Variants in COG2 observed in about 807,000 individuals in gnomAD.
The protein encoded by COG2 is conserved oligomeric Golgi complex subunit 2.
Under a neutral mutation model 90.6 loss-of-function variants are expected in COG2, and 52 were observed. That is an observed-to-expected ratio of 0.57 (90% confidence interval 0.46 to 0.72). The LOEUF (loss-of-function observed/expected upper bound fraction) is 0.72, where lower values mean the gene tolerates loss of function less well. Ranked by LOEUF, COG2 falls within the 30% of genes least tolerant of loss-of-function variation. COG2 has a pLI of 0.00. For missense variants in COG2, 829 were observed against 891.2 expected (o/e 0.93, Z 0.89); for synonymous variants, 337 against 320.4 (o/e 1.05, Z -0.55).
chr1:230,642,839 G>C (rs1265032264), intron 1 of COG2, 161 bp downstream of exon 1: 4 of 650,956 alleles, frequency 6.1e-6, no homozygotes, highest in Non-Finnish European at 1.0e-5. Flanking sequence ...TTTGGCGTCA[G>C]GTTTGGCGGG....
Position 230,688,501 on chromosome 1 carries a change from CTT to C in COG2, c.1734_1735del (p.Cys579LeufsTer19). On this transcript the variant is annotated frameshift_variant, in exon 15 of 18. Coordinates refer to ENST00000366669, the MANE Select transcript of COG2 (RefSeq NM_007357.3). LOFTEE classifies it high-confidence loss of function. ...AAGATCATCCAGGATTTAAGTGACT[CTT>C]GCTTCGGTTTCCTAAAAAGCGCCCT... is the stretch of plus-strand genomic sequence containing the variant. 6.2e-7 allele frequency: 1 copy of C among 1,614,122 alleles called. No homozygotes were observed. Among genetic ancestry groups the C allele is most frequent in the Non-Finnish European group, 8.5e-7 (1 of 1,180,024 alleles).
rs569336484 is a variant in COG2, at chr1:230,660,659, A to G, written c.235-99A>G. ...TGGTTGTTCATTTTGTTGTACAGAA[A>G]GAATAACCTAAGTCTAGCACTACAT... On this transcript the variant is annotated intron_variant, in intron 2 of 17. Transcript: ENST00000366669. 12 of 645,854 alleles carry G rather than the reference A, an allele frequency of 1.9e-5. No homozygotes were observed. The South Asian group carries it at 4.3e-4, about 23-fold the overall frequency. The allele number at this position is 645,854 out of a possible 1,614,324, so 40.0% of individuals were successfully genotyped here.
At chr1:230,685,334 G>T (rs758523473) in intron 12 of COG2, 98 bp downstream of exon 12, 42 of 1,297,396 alleles carry the variant, frequency 3.2e-5, no homozygotes, top group Admixed American at 1.0e-4. Flanking sequence ...ACCATGAGAG[G>T]TTAATTCAGA....
intron 1 of COG2, among the ~76,000 whole-genome samples, chr1:230,646,353 C>G (rs912596534): frequency 1.3e-5 from 2 of 152,174 alleles, no homozygotes; most frequent in Non-Finnish European, 2.9e-5. Context: ...CTCAGTAGAT[C>G]AAATGCTCCC....
At chr1:230,674,950 G>A (rs770021347) in intron 8 of COG2, 48 bp from the exon 9 acceptor site, 1 of 1,469,972 alleles carries the variant, frequency 6.8e-7, no homozygotes, top group East Asian at 2.5e-5. Context: ...TTTGCTCTTT[G>A]TAAGTAGATT....
At chr1:230,664,417 G>C (rs1407261130) in intron 4 of COG2, 67 bp from the exon 5 acceptor site, 1 of 651,180 alleles carries the variant, frequency 1.5e-6, no homozygotes, top group African/African-American at 1.9e-5. Context: ...CCTGTACTTA[G>C]GATGATGAAA....
Position 230,688,058 on chromosome 1 carries a change from A to C in COG2, c.1579-13A>C, listed in dbSNP as rs751565990. The C allele has an allele frequency of 1.9e-5, 29 of 1,561,026 alleles. No homozygotes were observed. In the African/African-American group the frequency reaches 3.4e-4, roughly 18 times the overall value. ...AAAAGTAACTGAATATATAAAGTGC[A>C]TATTTATTTCAGCTTCCAGAACTCT... is the stretch of plus-strand genomic sequence containing the variant. On this transcript the variant is annotated splice_polypyrimidine_tract_variant and intron_variant, in intron 13 of 17. Coordinates refer to ENST00000366669, the MANE Select transcript of COG2 (RefSeq NM_007357.3).
chr1:230,680,639 G>A (rs779884346), intron 10 of COG2: 1 of 152,132 alleles, frequency 6.6e-6, no homozygotes, highest in Non-Finnish European at 1.5e-5. Flanking sequence ...AGCCTTCAAA[G>A]GAGCTGATTA....
At chr1:230,682,866 A>G (rs1053855242) in intron 10 of COG2, 6 of 152,226 alleles carry the variant, frequency 3.9e-5, no homozygotes, top group Admixed American at 1.3e-4. Context: ...TAAAAAAACT[A>G]TATAACACAT....
intron 10 of COG2, chr1:230,683,329 G>C (rs947185659): frequency 4.9e-6 from 2 of 405,890 alleles, no homozygotes; most frequent in African/African-American, 4.1e-5. Flanking sequence ...AGAAACATGG[G>C]GTAAGTTATG....
chr1:230,692,641 G>A (rs1410143), intron 17 of COG2, among the ~76,000 whole-genome samples: 141,536 of 152,096 alleles, frequency 0.93, 66,064 homozygotes, highest in East Asian at 0.99. Context: ...GAGAGGGGAA[G>A]GAAAAGGTGC....
At chr1:230,681,931 C>G (rs1289011354) in intron 10 of COG2, 1 of 152,184 alleles carries the variant, frequency 6.6e-6, no homozygotes, top group Non-Finnish European at 1.5e-5. Flanking sequence ...GTGCAGGGAT[C>G]AAGGCTCTGC....
intron 10 of COG2, chr1:230,680,865 T>A (rs1662727881): frequency 6.6e-6 from 1 of 152,178 alleles, no homozygotes; most frequent in Non-Finnish European, 1.5e-5. Context: ...ATGATTAGGG[T>A]CAGAGTTGCA....
chr1:230,660,874 T>TTA, intron 3 of COG2, 51 bp downstream of exon 3: 4 of 1,268,836 alleles, frequency 3.2e-6, no homozygotes, highest in South Asian at 1.6e-5. Context: ...ATGATATGCT[T>TTA]GTTTGCCCTT....
chr1:230,660,242 A>G (rs920875533), intron 2 of COG2, among the ~76,000 whole-genome samples: 1 of 152,266 alleles, frequency 6.6e-6, no homozygotes, highest in African/African-American at 2.4e-5. Flanking sequence ...TTTAAGAAGC[A>G]TTAAAATTAA....
intron 1 of COG2, among the ~76,000 whole-genome samples, chr1:230,644,603 T>TA (rs2102738024): frequency 6.6e-6 from 1 of 152,358 alleles, no homozygotes; most frequent in Non-Finnish European, 1.5e-5. Context: ...CTTCTGGTAT[T>TA]ACGTCTCTTC....
intron 1 of COG2, 43 bp downstream of exon 1, chr1:230,642,721 C>T (rs1164878480): frequency 6.9e-6 from 11 of 1,584,888 alleles, no homozygotes. Flanking sequence ...CATGAGGGTG[C>T]CTCTGCCCTG....
Position 230,685,220 on chromosome 1 carries a change from C to T in COG2, c.1364C>T (p.Ser455Phe). 2 of 1,614,134 alleles carry T rather than the reference C, an allele frequency of 1.2e-6. No individual in the cohort carries two copies. The highest frequency in any genetic ancestry group is 1.7e-6 in the Non-Finnish European group (2 of 1,180,022). ...RLTLQILARY[S>F]VFVNELSLRP... ...ACTCTGCAGATTTTGGCACGATACT[C>T]TGTGTTTGTCAATGAGGTAAGGGCT... Residue 455 changes from serine (S) to phenylalanine (F), a missense_variant, in exon 12 of 18, where the codon TCT (serine) becomes TTT (phenylalanine). By Grantham distance (155) the Ser-to-Phe change is radical. Transcript: ENST00000366669.
chr1:230,644,879 A>G (rs1039365096), intron 1 of COG2, among the ~76,000 whole-genome samples: 7 of 152,140 alleles, frequency 4.6e-5, no homozygotes, highest in Non-Finnish European at 1.0e-4. Context: ...AAGTTATTTC[A>G]GTGGTTTTTA....
Sources: gnomAD v4.1 joint callset for allele counts (sites outside exome capture counted in the v4.1 genomes callset) on GRCh38, gnomAD v4.1.1 for gene constraint, MANE v1.5 for transcripts, NCBI Gene and HGNC (gene_info 2026-07-23, HGNC 2026-07-21) for gene names.